FNIP1: variants seen among roughly 807,000 people sequenced by gnomAD.
The protein encoded by FNIP1 is folliculin interacting protein 1.
Under a neutral mutation model 124.5 loss-of-function variants are expected in FNIP1, and 40 were observed. The observed-to-expected ratio is 0.32, with a 90% CI of 0.25 to 0.42. The LOEUF (loss-of-function observed/expected upper bound fraction) is 0.42, where lower values mean the gene tolerates loss of function less well. Ranked by LOEUF, FNIP1 falls within the 10% of genes least tolerant of loss-of-function variation. The pLI is 1.00. For synonymous variants in FNIP1, 472 were observed against 470.6 expected (o/e 1.00, Z -0.04); for missense variants, 1,176 against 1,403.7 (o/e 0.84, Z 2.59).
chr5:131,662,733 A>AT (rs34051607), intron 15 of FNIP1, among the ~76,000 whole-genome samples: 6,907 of 76,900 alleles, frequency 0.09, 828 homozygotes, highest in African/African-American at 0.25. Flanking sequence ...GATATTCTAG[A>AT]TTTTTTTTTT....
chr5:131,660,045 T>C (rs1356617996), intron 15 of FNIP1, among the ~76,000 whole-genome samples: 2 of 152,198 alleles, frequency 1.3e-5, no homozygotes, highest in African/African-American at 4.8e-5. Flanking sequence ...GGGGGCATCG[T>C]TGCCCGTGAA....
intron 3 of FNIP1, among the ~76,000 whole-genome samples, chr5:131,721,970 A>G (rs1279326315): frequency 6.6e-6 from 1 of 152,194 alleles, no homozygotes; most frequent in Non-Finnish European, 1.5e-5. Flanking sequence ...TCTATTCTCT[A>G]ATTCTTCCTC....
chr5:131,667,693 A>T (rs1021356461), intron 15 of FNIP1, among the ~76,000 whole-genome samples: 1 of 152,132 alleles, frequency 6.6e-6, no homozygotes, highest in African/African-American at 2.4e-5. Flanking sequence ...GATTCAAGTG[A>T]TTCTCCTGCC....
chr5:131,722,631 TA>T (rs1173371670), intron 3 of FNIP1, among the ~76,000 whole-genome samples: 2 of 152,216 alleles, frequency 1.3e-5, no homozygotes, highest in Non-Finnish European at 2.9e-5. Flanking sequence ...TACTTTTCTT[TA>T]AAAAGACACC....
chr5:131,741,139 G>A (rs749704533), intron 2 of FNIP1, among the ~76,000 whole-genome samples: 8 of 152,014 alleles, frequency 5.3e-5, no homozygotes, highest in South Asian at 4.1e-4. Context: ...TTCACTTTAC[G>A]GATTTGCCCT....
intron 1 of FNIP1, among the ~76,000 whole-genome samples, chr5:131,783,001 T>C (rs1275186295): frequency 6.6e-6 from 1 of 152,240 alleles, no homozygotes; most frequent in Non-Finnish European, 1.5e-5. Flanking sequence ...TAGGTACACA[T>C]TGTTTTTTAA....
At chr5:131,736,211 A>C (rs1160117592) in intron 2 of FNIP1, among the ~76,000 whole-genome samples, 2 of 152,190 alleles carry the variant, frequency 1.3e-5, no homozygotes, top group Non-Finnish European at 2.9e-5. Context: ...ATCCTTCGCC[A>C]CATCTTAATA....
At chr5:131,679,684 T>C (rs1365044230) in intron 11 of FNIP1, among the ~76,000 whole-genome samples, 2 of 152,330 alleles carry the variant, frequency 1.3e-5, no homozygotes, top group Non-Finnish European at 2.9e-5. Flanking sequence ...GAGAACAGTA[T>C]ACATACATGC....
At chr5:131,776,257 T>C (rs533686916) in intron 1 of FNIP1, among the ~76,000 whole-genome samples, 3 of 152,188 alleles carry the variant, frequency 2.0e-5, no homozygotes, top group Non-Finnish European at 4.4e-5. Flanking sequence ...CACAATTACA[T>C]TGGGGTTAAA....
intron 10 of FNIP1, among the ~76,000 whole-genome samples, chr5:131,703,510 T>G (rs1395025806): frequency 1.3e-5 from 2 of 152,240 alleles, no homozygotes; most frequent in Non-Finnish European, 2.9e-5. Flanking sequence ...CTAGGCACCT[T>G]GGCCTCGTAA....
intron 3 of FNIP1, among the ~76,000 whole-genome samples, chr5:131,722,249 A>T (rs1033574399): frequency 1.3e-5 from 2 of 152,202 alleles, no homozygotes; most frequent in African/African-American, 4.8e-5. Flanking sequence ...AAGTAGAAAG[A>T]TAAGGGAACC....
chr5:131,685,360 A>G (rs540325552), intron 11 of FNIP1, among the ~76,000 whole-genome samples: 173 of 152,290 alleles, frequency 1.1e-3, no homozygotes, highest in African/African-American at 4.1e-3. Flanking sequence ...ATAAAAAATT[A>G]CAAATGAAAC....
intron 1 of FNIP1, among the ~76,000 whole-genome samples, chr5:131,759,181 A>G (rs1438586130): frequency 6.6e-6 from 1 of 152,168 alleles, no homozygotes; most frequent in East Asian, 1.9e-4. Flanking sequence ...CCTTCTCGAC[A>G]TTGGCCTTGG....
chr5:131,751,670 T>C (rs1463194026), intron 1 of FNIP1, among the ~76,000 whole-genome samples: 1 of 151,806 alleles, frequency 6.6e-6, no homozygotes, highest in Non-Finnish European at 1.5e-5. Context: ...GGTATGTCAA[T>C]ACAATGGAGT....
rs756160996 is a variant in FNIP1, at chr5:131,782,238, T to C, written c.92+14592A>G. 2.6e-5 allele frequency among the ~76,000 whole-genome samples: 4 copies of C among 152,096 alleles called. No homozygotes were observed. In the South Asian group the frequency reaches 6.2e-4, roughly 24 times the overall value. On this transcript the variant is annotated intron_variant, in intron 1 of 17. Transcript: ENST00000510461. ...AAATAAGTGATTCTTCTGATAAATC[T>C]GGGAAAATAAAATTGAAAACCTTCT...
At chr5:131,759,645 G>A (rs1306947552) in intron 1 of FNIP1, among the ~76,000 whole-genome samples, 1 of 152,154 alleles carries the variant, frequency 6.6e-6, no homozygotes, top group Non-Finnish European at 1.5e-5. Flanking sequence ...TACATTGTTA[G>A]TGGGAAGGTA....
chr5:131,731,168 G>T, intron 2 of FNIP1, 130 bp from the exon 3 acceptor site: 3 of 749,082 alleles, frequency 4.0e-6, no homozygotes, highest in Non-Finnish European at 4.2e-6. Context: ...TATGGCTATT[G>T]GCATTTTGCT....
intron 2 of FNIP1, among the ~76,000 whole-genome samples, chr5:131,734,320 T>A (rs185683959): frequency 6.6e-6 from 1 of 152,168 alleles, no homozygotes; most frequent in African/African-American, 2.4e-5. Flanking sequence ...TGTGTCTCTA[T>A]CTCCTTCAGT....
At chr5:131,717,976 G>A (rs1769525739) in intron 5 of FNIP1, among the ~76,000 whole-genome samples, 1 of 151,418 alleles carries the variant, frequency 6.6e-6, no homozygotes, top group African/African-American at 2.4e-5. Context: ...GAGGTCAGGA[G>A]TTTGACACCA....
Sources: allele counts gnomAD v4.1 joint callset (sites outside exome capture counted in the v4.1 genomes callset), GRCh38; gene constraint gnomAD v4.1.1; transcripts MANE v1.5; gene names NCBI Gene and HGNC (gene_info 2026-07-23, HGNC 2026-07-21).